Variants in CPOX observed in about 807,000 individuals in gnomAD.
The protein encoded by CPOX is oxygen-dependent coproporphyrinogen-III oxidase, mitochondrial.
Under a neutral mutation model 48.9 loss-of-function variants are expected in CPOX, and 24 were observed. That is an observed-to-expected ratio of 0.49 (90% CI 0.36 to 0.69). The LOEUF (loss-of-function observed/expected upper bound fraction) is 0.69. Ranked by LOEUF, CPOX falls within the 30% of genes least tolerant of loss-of-function variation. The pLI is 0.00. For synonymous variants in CPOX, 249 were observed against 234.6 expected, an observed-to-expected ratio of 1.06 and a Z score of -0.56; for missense variants, 549 against 597.3, an observed-to-expected ratio of 0.92 and a Z score of 0.84.
chr3:98,593,214 C>G lies in CPOX; in HGVS notation c.291G>C (p.Gln97His). 1 of 1,581,322 alleles carries G rather than the reference C, an allele frequency of 6.3e-7. No homozygotes were observed. Among genetic ancestry groups the G allele is most frequent in the African/African-American group, 1.3e-5 (1 of 74,566 alleles). ...AGGTCTTAGGCAACATCTCCGCCCG[C>G]TGCACATGCCCGAAGGCGGCGGTGG... is the stretch of plus-strand genomic sequence containing the variant. Reference protein sequence around the residue: ...GLATAAFGHVQRAEMLPKTSG... With the variant: ...GLATAAFGHVHRAEMLPKTSG... The change falls in exon 1 of 7, where the codon CAG (glutamine) becomes CAC (histidine). Residue 97 changes from glutamine (Q) to histidine (H), a missense_variant. By Grantham distance (24) the Gln-to-His change is conservative. Coordinates refer to ENST00000647941, the MANE Select transcript of CPOX (RefSeq NM_000097.7).
chr3:98,577,377 G>A (rs1707178374), downstream of CPOX, among the ~76,000 whole-genome samples: 1 of 152,180 alleles, frequency 6.6e-6, no homozygotes, highest in African/African-American at 2.4e-5. Flanking sequence ...AAAGGTCAGA[G>A]TGCCCAGAGG....
the CPOX span, among the ~76,000 whole-genome samples, chr3:98,570,987 C>CGG: frequency 6.6e-6 from 1 of 152,212 alleles, no homozygotes; most frequent in Non-Finnish European, 1.5e-5. Context: ...ATTTTATCTT[C>CGG]ACTCAATGTC....
chr3:98,580,712 G>T lies in CPOX; in HGVS notation c.1336C>A (p.Leu446Ile). The part of the protein sequence containing the change: ...NSKEAEILEV[L>I]RHPRDWVR ...CGCACCCAGTCCCTTGGATGGCGTA[G>T]AACTTCCAGAATTTCAGCTTCTTTG... Residue 446 changes from leucine (L) to isoleucine (I), a missense_variant, in exon 7 of 7, where the codon CTA becomes ATA. Around this residue, in one of 2 missense-constraint regions of CPOX, gnomAD observed 213 missense variants for 279.1 expected, o/e 0.76. Transcript: ENST00000647941. 6.2e-7 allele frequency: 1 copy of T among 1,614,176 alleles called. No individual in the cohort carries two copies. The highest frequency in any genetic ancestry group is 1.3e-5 in the African/African-American group (1 of 75,050).
chr3:98,589,410 T>C (rs1388815932), intron 3 of CPOX, among the ~76,000 whole-genome samples: 4 of 152,140 alleles, frequency 2.6e-5, no homozygotes, highest in African/African-American at 9.7e-5. Context: ...TGCAGGGCAG[T>C]GAATGATAAA....
chr3:98,587,479 G>A (rs1163467700), intron 4 of CPOX, among the ~76,000 whole-genome samples: 1 of 148,966 alleles, frequency 6.7e-6, no homozygotes, highest in Non-Finnish European at 1.5e-5. Context: ...GCTTCATCTA[G>A]TATGAGTGTT....
In CPOX at chr3:98,593,349, G is replaced by C. The variant is rs886058949; in HGVS notation, c.156C>G (p.Gly52=). 7.9e-5 allele frequency: 106 copies of C among 1,342,196 alleles called. No homozygotes were observed. The highest frequency in any genetic ancestry group is 9.3e-5 in the Non-Finnish European group (99 of 1,059,014). The allele number at this position is 1,342,196 out of a possible 1,614,324, so 83.1% of individuals were successfully genotyped here. A position where few individuals can be genotyped will look rare whatever the true frequency, so the allele number is the denominator to read the frequency against. The part of the protein sequence containing the change: ...SAAGRVCRPP[G]PAGTEQSRGL... ...CGCGGCTCTGCTCCGTGCCAGCCGG[G>C]CCAGGGGGCCGGCAGACGCGTCCGG... is the stretch of plus-strand genomic sequence containing the variant. The change falls in exon 1 of 7, where the codon GGC becomes GGG. Residue 52 remains glycine (G), a synonymous_variant. Coordinates refer to ENST00000647941, the MANE Select transcript of CPOX (RefSeq NM_000097.7).
intron 4 of CPOX, among the ~76,000 whole-genome samples, 171 bp downstream of exon 4, chr3:98,588,542 A>C (rs1707410330): frequency 6.6e-6 from 1 of 152,224 alleles, no homozygotes; most frequent in Admixed American, 6.5e-5. Flanking sequence ...TTTCTAAGTA[A>C]ATAATTTAAT....
At chr3:98,591,219 T>C (rs1040699841) in intron 1 of CPOX, 64 bp from the exon 2 acceptor site, 5 of 1,552,786 alleles carry the variant, frequency 3.2e-6, no homozygotes, top group African/African-American at 1.4e-5. Flanking sequence ...AAGCAACACT[T>C]GCATGAAGAT....
At position 98,579,699 on chromosome 3, in the gene CPOX, G is replaced by A. The variant is rs1018757410; in HGVS notation, c.*984C>T. ...GATTTGCTCTTAAGAGCAAAGAGCT[G>A]CAGAATCTCTAATATAAAAAAGAGG... On this transcript the variant is annotated 3_prime_UTR_variant, in exon 7 of 7. Transcript: ENST00000647941. The A allele has an allele frequency of 1.2e-4, 121 of 985,148 alleles. No homozygotes were observed. Among genetic ancestry groups the A allele is most frequent in the Non-Finnish European group, 1.4e-4 (117 of 829,734 alleles). The allele number at this position is 985,148 out of a possible 1,614,324, so 61.0% of individuals were successfully genotyped here. A position where few individuals can be genotyped will look rare whatever the true frequency, so the allele number is the denominator to read the frequency against.
At chr3:98,572,630 C>A in the CPOX span, among the ~76,000 whole-genome samples, 1 of 152,112 alleles carries the variant, frequency 6.6e-6, no homozygotes, top group African/African-American at 2.4e-5. Context: ...CTACTGATTA[C>A]CTTTACTATA....
intron 6 of CPOX, 56 bp downstream of exon 6, chr3:98,581,350 TG>T (rs1707254991): frequency 1.7e-5 from 20 of 1,210,086 alleles, no homozygotes; most frequent in Non-Finnish European, 2.3e-5. Context: ...TCATATTTTG[TG>T]GGTGTTTGGG....
intron 1 of CPOX, 118 bp from the exon 2 acceptor site, chr3:98,591,273 T>C: frequency 9.4e-7 from 1 of 1,063,102 alleles, no homozygotes; most frequent in Non-Finnish European, 1.4e-6. Context: ...AGTGTATTTA[T>C]CATTTTATGT....
At chr3:98,587,726 G>A (rs1707392324) in intron 4 of CPOX, among the ~76,000 whole-genome samples, 1 of 151,586 alleles carries the variant, frequency 6.6e-6, no homozygotes, top group Admixed American at 6.6e-5. Flanking sequence ...GAGTTTTGGA[G>A]GGAACAAATA....
rs766384918 is a variant in CPOX, at chr3:98,585,560, A to G, written c.1053T>C (p.Phe351=). The G allele has an allele frequency of 1.2e-6, 2 of 1,614,166 alleles. No homozygotes were observed. The highest frequency in any genetic ancestry group is 1.7e-5 in the Admixed American group (1 of 60,024). ...DLDSPSKEEV[F]RFVQSCARAV... ...CCCTGGCACAGCTCTGTACAAAGCG[A>G]AACACCTCCTCCTTGGACGGAGAGT... The change falls in exon 5 of 7, where the codon TTT becomes TTC. Residue 351 remains phenylalanine (F), a synonymous_variant. Coordinates refer to ENST00000647941, the MANE Select transcript of CPOX (RefSeq NM_000097.7).
chr3:98,584,991 GA>G (rs1707334768), intron 5 of CPOX, among the ~76,000 whole-genome samples: 1 of 152,120 alleles, frequency 6.6e-6, no homozygotes, highest in Non-Finnish European at 1.5e-5. Context: ...CAGGTTTGTT[GA>G]AAAACATCAG....
intron 2 of CPOX, 72 bp from the exon 3 acceptor site, chr3:98,590,814 A>T: frequency 8.0e-7 from 1 of 1,246,106 alleles, no homozygotes; most frequent in Non-Finnish European, 1.2e-6. Flanking sequence ...TCACTCTAAT[A>T]TGATTTCCAA....
At chr3:98,591,767 T>C (rs1028335678) in intron 1 of CPOX, among the ~76,000 whole-genome samples, 17 of 152,196 alleles carry the variant, frequency 1.1e-4, no homozygotes, top group Non-Finnish European at 8.8e-5. Context: ...TGGCTTGTTT[T>C]ATTTCTAAGA....
chr3:98,577,798 T>C (rs537288005), downstream of CPOX, among the ~76,000 whole-genome samples: 7 of 152,268 alleles, frequency 4.6e-5, no homozygotes, highest in South Asian at 1.5e-3. Flanking sequence ...AGCCTTTGAG[T>C]CATCCTCACC....
chr3:98,576,000 A>G (rs959733408), downstream of CPOX, among the ~76,000 whole-genome samples: 2 of 140,306 alleles, frequency 1.4e-5, no homozygotes, highest in African/African-American at 5.2e-5. Flanking sequence ...TGAACCCAGG[A>G]GGCAGAGGTT....
Sources: allele counts gnomAD v4.1 joint callset (sites outside exome capture counted in the v4.1 genomes callset), GRCh38; gene constraint gnomAD v4.1.1; regional missense constraint gnomAD v4.1.1; transcripts MANE v1.5; gene names NCBI Gene and HGNC (gene_info 2026-07-23, HGNC 2026-07-21).